LINGO2: variants seen among roughly 807,000 people sequenced by gnomAD.
LINGO2 encodes leucine rich repeat and Ig domain containing 2, also known as leucine-rich repeat and immunoglobulin-like domain-containing nogo receptor-interacting protein 2.
Under a neutral mutation model 30.6 loss-of-function variants are expected in LINGO2, and 14 were observed. The observed-to-expected ratio is 0.46, with a 90% CI of 0.30 to 0.72. The LOEUF (loss-of-function observed/expected upper bound fraction) is 0.72, where lower values mean the gene tolerates loss of function less well. LINGO2 is among the 30% of genes least tolerant of loss of function. The pLI is 0.07. For synonymous variants in LINGO2, 317 were observed against 288.5 expected, an observed-to-expected ratio of 1.10 and a Z score of -1.00; for missense variants, 729 against 751.7, an observed-to-expected ratio of 0.97 and a Z score of 0.35.
chr9:28,496,146 G>T (rs1016506874), intron 1 of LINGO2, among the ~76,000 whole-genome samples: 7 of 151,990 alleles, frequency 4.6e-5, no homozygotes, highest in African/African-American at 1.7e-4. Flanking sequence ...GTTGATTTGG[G>T]GTGGAGAGTT....
chr9:28,038,750 A>T (rs2132962308), intron 4 of LINGO2, among the ~76,000 whole-genome samples: 1 of 152,218 alleles, frequency 6.6e-6, no homozygotes, highest in South Asian at 2.1e-4. Flanking sequence ...AGACCCAAGC[A>T]GTGTTGAAAT....
chr9:28,692,091 T>G, the LINGO2 span, among the ~76,000 whole-genome samples: 2 of 152,104 alleles, frequency 1.3e-5, no homozygotes, highest in Non-Finnish European at 1.5e-5. Flanking sequence ...AAATGGATAA[T>G]TATTTATGGT....
At chr9:28,162,345 C>T (rs1316990552) in intron 4 of LINGO2, among the ~76,000 whole-genome samples, 1 of 152,100 alleles carries the variant, frequency 6.6e-6, no homozygotes, top group Non-Finnish European at 1.5e-5. Flanking sequence ...CTCACATCTT[C>T]TGTTTTTGGC....
chr9:28,376,087 C>CT (rs75147834), intron 2 of LINGO2, among the ~76,000 whole-genome samples: 3,129 of 138,676 alleles, frequency 0.023, 85 homozygotes, highest in African/African-American at 0.071. Flanking sequence ...ACTTTCCTTG[C>CT]TTTTTTTTTT....
At position 28,199,344 on chromosome 9, in the gene LINGO2, C is replaced by CTTCTTCTTT. The variant is rs74180792; in HGVS notation, c.-87+95863_-87+95864insAAAGAAGAA. On this transcript the variant is annotated intron_variant, in intron 4 of 5. Coordinates refer to ENST00000379992, the Ensembl canonical transcript of LINGO2. ...CTATCTTCTTCTTCTTCTTCTTCTT[C>CTTCTTCTTT]TTTTTTTTTTTTTGAGACGGAGTCT... 1.0e-3 allele frequency among the ~76,000 whole-genome samples: 121 copies of CTTCTTCTTT among 117,678 alleles called. 6 individuals are homozygous for CTTCTTCTTT. The highest frequency in any genetic ancestry group is 1.6e-3 in the Non-Finnish European group (88 of 54,724). 77.2% of individuals were successfully genotyped at this position (117,678 alleles called of 152,430 possible).
intron 4 of LINGO2, among the ~76,000 whole-genome samples, chr9:28,196,213 A>G (rs13295013): frequency 0.1 from 15,792 of 151,662 alleles, 899 homozygotes; most frequent in Middle Eastern, 0.14. Context: ...AAGATTAAAG[A>G]AAGAATGTCT....
the LINGO2 span, among the ~76,000 whole-genome samples, chr9:28,949,319 C>T: frequency 6.6e-6 from 1 of 151,962 alleles, no homozygotes. Context: ...AATCCAGGAG[C>T]TGGGTTTTTG....
intron 4 of LINGO2, among the ~76,000 whole-genome samples, chr9:28,167,299 A>C (rs1828457614): frequency 5.7e-5 from 1 of 17,446 alleles, no homozygotes; most frequent in Non-Finnish European, 1.2e-4. Context: ...CTTGAGGCAT[A>C]AATTCTACGT....
At chr9:29,005,354 G>C in the LINGO2 span, among the ~76,000 whole-genome samples, 1 of 151,744 alleles carries the variant, frequency 6.6e-6, no homozygotes, top group South Asian at 2.1e-4. Context: ...GGGAAAACCA[G>C]AGAAGATACA....
At chr9:29,077,903 G>C in the LINGO2 span, among the ~76,000 whole-genome samples, 2 of 151,906 alleles carry the variant, frequency 1.3e-5, no homozygotes, top group African/African-American at 4.8e-5. Flanking sequence ...GCATCTATCA[G>C]ATCCCAAAGA....
chr9:29,036,248 T>A, the LINGO2 span, among the ~76,000 whole-genome samples: 2 of 152,094 alleles, frequency 1.3e-5, no homozygotes, highest in African/African-American at 4.8e-5. Flanking sequence ...AATATTAGCC[T>A]TAAAAAGTGC....
At chr9:28,320,842 G>A (rs765622312) in intron 3 of LINGO2, among the ~76,000 whole-genome samples, 1 of 152,110 alleles carries the variant, frequency 6.6e-6, no homozygotes, top group Non-Finnish European at 1.5e-5. Flanking sequence ...TTGACGTTAA[G>A]AAGCCCTGTT....
chr9:28,656,247 A>G (rs574651248), intron 1 of LINGO2, among the ~76,000 whole-genome samples: 213 of 152,168 alleles, frequency 1.4e-3, no homozygotes, highest in Middle Eastern at 6.8e-3. Flanking sequence ...CAAGTGGGTT[A>G]AAGTTAAAAA....
intron 2 of LINGO2, among the ~76,000 whole-genome samples, chr9:28,475,539 T>C (rs918081109): frequency 2.6e-5 from 4 of 152,186 alleles, no homozygotes; most frequent in South Asian, 2.1e-4. Flanking sequence ...GGTTATTACT[T>C]GGTATGTGAA....
At chr9:28,932,942 T>C in the LINGO2 span, among the ~76,000 whole-genome samples, 61 of 151,870 alleles carry the variant, frequency 4.0e-4, no homozygotes, top group Non-Finnish European at 6.6e-4. Context: ...AGTCTCACTC[T>C]GTCACCCAGG....
At chr9:28,040,263 A>G (rs1251538449) in intron 4 of LINGO2, among the ~76,000 whole-genome samples, 1 of 152,132 alleles carries the variant, frequency 6.6e-6, no homozygotes, top group Non-Finnish European at 1.5e-5. Flanking sequence ...CAAATTACTA[A>G]TAGTTTATCT....
intron 1 of LINGO2, among the ~76,000 whole-genome samples, chr9:28,561,749 G>GTA (rs1554637723): frequency 0.12 from 5,732 of 48,658 alleles, 1,123 homozygotes; most frequent in Admixed American, 0.21. Flanking sequence ...GTGTGTGTGT[G>GTA]TATATATATA....
chr9:27,971,126 A>G (rs1820331307), intron 5 of LINGO2, among the ~76,000 whole-genome samples: 2 of 152,098 alleles, frequency 1.3e-5, no homozygotes, highest in African/African-American at 4.8e-5. Context: ...CAAGTTCTAT[A>G]GCTACATGCT....
the LINGO2 span, among the ~76,000 whole-genome samples, chr9:28,884,948 A>AT: frequency 2.2e-4 from 1 of 4,586 alleles, no homozygotes; most frequent in African/African-American, 3.2e-4. Context: ...TAATATATAT[A>AT]ATATATAATA....
Sources: allele counts gnomAD v4.1 joint callset (sites outside exome capture counted in the v4.1 genomes callset), GRCh38; gene constraint gnomAD v4.1.1; transcripts MANE v1.5; gene names NCBI Gene and HGNC (gene_info 2026-07-23, HGNC 2026-07-21).